PIP4K2A: variants seen among roughly 807,000 people sequenced by gnomAD.
PIP4K2A encodes the protein phosphatidylinositol 5-phosphate 4-kinase type-2 alpha.
Under a neutral mutation model 42.9 loss-of-function variants are expected in PIP4K2A, and 14 were observed. The ratio of observed to expected loss-of-function variants is 0.33; its 90% CI spans 0.22 to 0.51. PIP4K2A has a LOEUF of 0.51. PIP4K2A is among the 20% of genes least tolerant of loss of function. The probability of loss-of-function intolerance (pLI) is 0.97; values close to 1 mark genes in which losing one functional copy is unlikely to be tolerated. For synonymous variants in PIP4K2A, 192 were observed against 192.2 expected (o/e 1.00, Z 0.01); for missense variants, 434 against 519.8 (o/e 0.83, Z 1.61).
At chr10:22,702,449 C>T (rs1833732400) in intron 1 of PIP4K2A, among the ~76,000 whole-genome samples, 1 of 152,212 alleles carries the variant, frequency 6.6e-6, no homozygotes. Flanking sequence ...CTTAGAAATG[C>T]ATTCATAGTC....
At position 22,591,695 on chromosome 10, in the gene PIP4K2A, G is replaced by A. The variant is rs779872968; in HGVS notation, c.426C>T (p.Tyr142=). ...ARFHTSYDKR[Y]IIKTITSEDV... is the part of the protein sequence containing the mutation. Reference sequence around the variant, plus strand: ...CTTCACTGGTAATAGTCTTGATGATGTATCTTTTGTCGTAGGAAGTGTGAA... The same window carrying A: ...CTTCACTGGTAATAGTCTTGATGATATATCTTTTGTCGTAGGAAGTGTGAA... The change falls in exon 4 of 10, where the codon TAC becomes TAT. Residue 142 remains tyrosine (Y), a synonymous_variant. Transcript: ENST00000376573. 2.5e-5 allele frequency: 41 copies of A among 1,613,366 alleles called. No homozygotes were observed. Among genetic ancestry groups the A allele is most frequent in the South Asian group, 5.5e-5 (5 of 90,998 alleles).
At position 22,649,330 on chromosome 10, in the gene PIP4K2A, ATTGTT is replaced by A. The variant is rs572558074; in HGVS notation, c.145-39618_145-39614del. 1.2e-4 allele frequency among the ~76,000 whole-genome samples: 19 copies of A among 152,280 alleles called. No homozygotes were observed. In the East Asian group the frequency reaches 1.5e-3, roughly 12 times the overall value. ...TTTCCAGCTCCCCAAAAGTTTCTTT[ATTGTT>A]TTAAGTTCACACTTTTAAAATATTA... is the stretch of plus-strand genomic sequence containing the variant. On this transcript the variant is annotated intron_variant, in intron 1 of 9. Transcript: ENST00000376573.
chr10:22,705,895 T>A (rs1040169081), intron 1 of PIP4K2A, among the ~76,000 whole-genome samples: 5 of 151,848 alleles, frequency 3.3e-5, no homozygotes, highest in Non-Finnish European at 7.4e-5. Flanking sequence ...AGGAAAGAGG[T>A]TTAACTGACT....
intron 1 of PIP4K2A, among the ~76,000 whole-genome samples, chr10:22,632,108 A>G (rs544195785): frequency 3.1e-4 from 47 of 152,334 alleles, no homozygotes; most frequent in African/African-American, 1.1e-3. Flanking sequence ...TGTAAAGGTC[A>G]TGATAGACAA....
At chr10:22,558,361 T>TA (rs1836604324) in intron 6 of PIP4K2A, among the ~76,000 whole-genome samples, 1 of 152,182 alleles carries the variant, frequency 6.6e-6, no homozygotes, top group Non-Finnish European at 1.5e-5. Flanking sequence ...GGGAAGGAAT[T>TA]TTAGGTAATC....
At chr10:22,584,718 C>T (rs1564431242) in intron 4 of PIP4K2A, among the ~76,000 whole-genome samples, 1 of 152,194 alleles carries the variant, frequency 6.6e-6, no homozygotes, top group African/African-American at 2.4e-5. Flanking sequence ...ATACCTTCCC[C>T]TGTTTCTAAG....
intron 1 of PIP4K2A, among the ~76,000 whole-genome samples, chr10:22,692,637 G>T (rs1284323064): frequency 6.6e-6 from 1 of 152,054 alleles, no homozygotes; most frequent in Non-Finnish European, 1.5e-5. Flanking sequence ...TAGAATTTGG[G>T]GCTTCAATAG....
At chr10:22,668,565 AAAGCTCT>A (rs1405664803) in intron 1 of PIP4K2A, among the ~76,000 whole-genome samples, 1 of 152,226 alleles carries the variant, frequency 6.6e-6, no homozygotes, top group Non-Finnish European at 1.5e-5. Flanking sequence ...TTTCAAAAGT[AAAGCTCT>A]AAGCTCATTA....
At chr10:22,582,837 G>A (rs1488320180) in intron 4 of PIP4K2A, among the ~76,000 whole-genome samples, 1 of 150,758 alleles carries the variant, frequency 6.6e-6, no homozygotes, top group Non-Finnish European at 1.5e-5. Context: ...TATGTTTGGG[G>A]ATAATGATCT....
intron 6 of PIP4K2A, among the ~76,000 whole-genome samples, chr10:22,564,199 C>A (rs929487663): frequency 6.6e-6 from 1 of 152,152 alleles, no homozygotes; most frequent in African/African-American, 2.4e-5. Context: ...TTTGCAGGAA[C>A]CGTTACAGAT....
At position 22,664,132 on chromosome 10, in the gene PIP4K2A, TATATATATACATATATATACAC is replaced by T. The variant is rs1564460062; in HGVS notation, c.144+50029_144+50050del. Among the ~76,000 whole-genome samples, 24 of 54,430 alleles carry T rather than the reference TATATATATACATATATATACAC, an allele frequency of 4.4e-4. 1 individual carries two copies. Among genetic ancestry groups the T allele is most frequent in the South Asian group, 3.9e-3 (9 of 2,312 alleles). 35.7% of individuals were successfully genotyped at this position (54,430 alleles called of 152,430 possible). Reference sequence around the variant, plus strand: ...ATATATATACATATATATATATACATATATATATACATATATATACACATATATATATATACATATATATATA... The same window carrying T: ...ATATATATACATATATATATATACATATATATATATATACATATATATATA... On this transcript the variant is annotated intron_variant, in intron 1 of 9. Coordinates refer to ENST00000376573, the MANE Select transcript of PIP4K2A (RefSeq NM_005028.5).
At chr10:22,674,919 T>C (rs1048443570) in intron 1 of PIP4K2A, among the ~76,000 whole-genome samples, 13 of 151,970 alleles carry the variant, frequency 8.6e-5, no homozygotes, top group Admixed American at 2.6e-4. Flanking sequence ...GCTATCATCA[T>C]GCCACTGTAC....
At chr10:22,565,621 G>A (rs374746911) in intron 6 of PIP4K2A, among the ~76,000 whole-genome samples, 11 of 152,144 alleles carry the variant, frequency 7.2e-5, no homozygotes, top group East Asian at 3.9e-4. Context: ...GAACAAATAC[G>A]AAATCTGGGC....
chr10:22,605,613 T>C lies in PIP4K2A; in HGVS notation c.339+2314A>G, dbSNP rs577779701. Reference sequence around the variant, plus strand: ...TGACAGAATTGATTATGACAAGAAATAGAAAGACTTCATTTCAATAATGAA... The same window carrying C: ...TGACAGAATTGATTATGACAAGAAACAGAAAGACTTCATTTCAATAATGAA... On this transcript the variant is annotated intron_variant, in intron 3 of 9. Transcript: ENST00000376573. 1.8e-3 allele frequency among the ~76,000 whole-genome samples: 281 copies of C among 152,280 alleles called. 1 individual carries two copies. Among genetic ancestry groups the C allele is most frequent in the Non-Finnish European group, 3.7e-3 (250 of 68,012 alleles).
intron 1 of PIP4K2A, among the ~76,000 whole-genome samples, chr10:22,689,126 G>C (rs908459824): frequency 3.3e-5 from 5 of 152,096 alleles, no homozygotes; most frequent in Non-Finnish European, 7.4e-5. Flanking sequence ...TGTCGGAGGT[G>C]GGGGACTAGC....
chr10:22,551,867 G>GT (rs1343337890), intron 6 of PIP4K2A, among the ~76,000 whole-genome samples: 3 of 152,084 alleles, frequency 2.0e-5, no homozygotes, highest in African/African-American at 7.2e-5. Flanking sequence ...CACTCCCTGG[G>GT]TCCATCGCCT....
At chr10:22,587,999 A>G (rs1454005586) in intron 4 of PIP4K2A, among the ~76,000 whole-genome samples, 1 of 152,080 alleles carries the variant, frequency 6.6e-6, no homozygotes, top group African/African-American at 2.4e-5. Flanking sequence ...GAATGTTGAG[A>G]CCTTTTATGA....
rs558401112 is a variant in PIP4K2A at position 22,579,947 on chromosome 10, A to G, written c.493-6490T>C. ...GAAAAAAGAAAAAAGAAAAAAAAAG[A>G]CAACCCATTCTGATGAATGTGGAGA... On this transcript the variant is annotated intron_variant, in intron 4 of 9. Coordinates refer to ENST00000376573, the MANE Select transcript of PIP4K2A (RefSeq NM_005028.5). Among the ~76,000 whole-genome samples the G allele has an allele frequency of 1.8e-4, 27 of 151,906 alleles. No individual in the cohort carries two copies. The South Asian group carries it at 5.6e-3, about 32-fold the overall frequency.
intron 3 of PIP4K2A, among the ~76,000 whole-genome samples, chr10:22,593,731 A>G (rs1837563670): frequency 6.6e-6 from 1 of 152,242 alleles, no homozygotes. Flanking sequence ...GAACTGTAAG[A>G]TTGCAGATTA....
Sources: allele counts gnomAD v4.1 joint callset (sites outside exome capture counted in the v4.1 genomes callset), GRCh38; gene constraint gnomAD v4.1.1; transcripts MANE v1.5; gene names NCBI Gene and HGNC (gene_info 2026-07-23, HGNC 2026-07-21).